DCC: variants seen among roughly 807,000 people sequenced by gnomAD.
The protein encoded by DCC is DCC netrin 1 receptor, also known as netrin receptor DCC.
DCC carries 58 observed loss-of-function variants against 172.5 expected under a neutral mutation model. The observed-to-expected ratio is 0.34, with a 90% CI of 0.27 to 0.42. The LOEUF (loss-of-function observed/expected upper bound fraction) is 0.42. DCC is among the 10% of genes least tolerant of loss of function. The pLI, the probability that DCC is intolerant of heterozygous loss-of-function variation, is 1.00. For missense variants in DCC, 1,740 were observed against 1,791.0 expected, an observed-to-expected ratio of 0.97 and a Z score of 0.51; for synonymous variants, 709 against 644.5, an observed-to-expected ratio of 1.10 and a Z score of -1.52.
chr18:53,037,857 T>C (rs1193729456), intron 5 of DCC, among the ~76,000 whole-genome samples: 62 of 151,926 alleles, frequency 4.1e-4, no homozygotes, highest in Non-Finnish European at 8.8e-5. Context: ...TTTTTAAATA[T>C]TGAATGAGAT....
intron 1 of DCC, among the ~76,000 whole-genome samples, chr18:52,495,623 C>T (rs78738472): frequency 0.042 from 6,329 of 152,114 alleles, 174 homozygotes; most frequent in Non-Finnish European, 0.061. Flanking sequence ...CCATCTTGCC[C>T]GAAACAGCAG....
chr18:52,684,675 T>C (rs2035801036), intron 1 of DCC, among the ~76,000 whole-genome samples: 1 of 152,064 alleles, frequency 6.6e-6, no homozygotes, highest in Non-Finnish European at 1.5e-5. Context: ...TGGTGGAAGC[T>C]AGGGATGAAG....
intron 2 of DCC, among the ~76,000 whole-genome samples, chr18:52,771,882 A>AG (rs796937114): frequency 6.7e-6 from 1 of 150,286 alleles, no homozygotes; most frequent in African/African-American, 2.5e-5. Flanking sequence ...AAAAAAAAAA[A>AG]AAAAGAAAAA....
rs2144654311 is a variant in DCC, at chr18:53,535,653, C to G, written c.*5000C>G. On this transcript the variant is annotated 3_prime_UTR_variant, in exon 29 of 29. Coordinates refer to ENST00000442544, the MANE Select transcript of DCC (RefSeq NM_005215.4). ...CCTACAAAAAGTTTCTTTAAACTGT[C>G]AGATTCTAGCATTGTTAACCAAATT... The G allele has an allele frequency of 6.6e-6, 1 of 152,302 alleles. No individual in the cohort carries two copies. The highest frequency in any genetic ancestry group is 6.5e-5 in the Admixed American group (1 of 15,302). 9.4% of individuals were successfully genotyped at this position (152,302 alleles called of 1,614,324 possible). A position where few individuals can be genotyped will look rare whatever the true frequency, so the allele number is the denominator to read the frequency against.
chr18:52,751,753 T>C (rs905985828), intron 1 of DCC, among the ~76,000 whole-genome samples: 1 of 152,196 alleles, frequency 6.6e-6, no homozygotes, highest in African/African-American at 2.4e-5. Context: ...ATTAGTTTTT[T>C]CTGTCTAAAT....
At position 52,920,058 on chromosome 18, in the gene DCC, C is replaced by T. The variant is rs575926682; in HGVS notation, c.698-3649C>T. On this transcript the variant is annotated intron_variant, in intron 3 of 28. Coordinates refer to ENST00000442544, the MANE Select transcript of DCC (RefSeq NM_005215.4). ...AAAAAGAATCCAGACATACCTTTCA[C>T]AAAGATTAACTCAAAATGGACCGTA... is the stretch of plus-strand genomic sequence containing the variant. 8.8e-5 allele frequency among the ~76,000 whole-genome samples: 12 copies of T among 137,096 alleles called. No individual in the cohort carries two copies. In the East Asian group the frequency reaches 1.7e-3, roughly 20 times the overall value. The allele number at this position is 137,096 out of a possible 152,430, so 89.9% of individuals were successfully genotyped here. A position where few individuals can be genotyped will look rare whatever the true frequency, so the allele number is the denominator to read the frequency against.
intron 12 of DCC, among the ~76,000 whole-genome samples, chr18:53,296,330 C>G (rs2057067240): frequency 6.6e-6 from 1 of 152,172 alleles, no homozygotes; most frequent in African/African-American, 2.4e-5. Context: ...CTCCCAGTTT[C>G]CCTTAAAGTA....
chr18:52,811,235 A>T lies in DCC; in HGVS notation c.412+58861A>T, dbSNP rs118084955. 4.9e-3 allele frequency among the ~76,000 whole-genome samples: 745 copies of T among 152,356 alleles called. 22 individuals are homozygous for T. Among genetic ancestry groups the T allele is most frequent in the Admixed American group, 0.033 (510 of 15,298 alleles). On this transcript the variant is annotated intron_variant, in intron 2 of 28. Coordinates refer to ENST00000442544, the MANE Select transcript of DCC (RefSeq NM_005215.4). ...TTATCGTCTTTCACAGGTTTTATGAATAAAAATGACCTATGAATATTTATA... is the reference window on the plus strand; with the variant it reads ...TTATCGTCTTTCACAGGTTTTATGATTAAAAATGACCTATGAATATTTATA...
At chr18:52,542,301 G>C (rs1446111301) in intron 1 of DCC, among the ~76,000 whole-genome samples, 1 of 151,826 alleles carries the variant, frequency 6.6e-6, no homozygotes, top group Non-Finnish European at 1.5e-5. Flanking sequence ...TTCAACACAG[G>C]CATGGTTGAA....
intron 7 of DCC, among the ~76,000 whole-genome samples, chr18:53,111,293 A>C (rs907157330): frequency 2.7e-5 from 4 of 149,938 alleles, no homozygotes; most frequent in African/African-American, 9.8e-5. Context: ...AGATATACCT[A>C]ATGCTAAATG....
intron 12 of DCC, 150 bp from the exon 13 acceptor site, chr18:53,305,428 T>C (rs769344418): frequency 1.5e-4 from 98 of 664,988 alleles, no homozygotes; most frequent in Admixed American, 2.2e-4. Context: ...TGTCAGATTA[T>C]AAGAACGAAT....
At chr18:52,671,271 G>A (rs909899660) in intron 1 of DCC, among the ~76,000 whole-genome samples, 1 of 151,962 alleles carries the variant, frequency 6.6e-6, no homozygotes, top group Non-Finnish European at 1.5e-5. Flanking sequence ...CACCAATTGA[G>A]AGAGAATAAC....
intron 12 of DCC, among the ~76,000 whole-genome samples, chr18:53,251,425 G>A (rs529261575): frequency 1.5e-4 from 23 of 151,830 alleles, no homozygotes; most frequent in Admixed American, 2.6e-4. Flanking sequence ...ATGGAAATGA[G>A]CATTGTGTTA....
At chr18:53,393,122 T>C (rs1216301740) in intron 17 of DCC, among the ~76,000 whole-genome samples, 1 of 149,488 alleles carries the variant, frequency 6.7e-6, no homozygotes, top group East Asian at 2.0e-4. Context: ...CTCAAGCTAG[T>C]AGTGATTTTG....
chr18:52,377,632 T>A lies in DCC; in HGVS notation c.91+36754T>A, dbSNP rs185092180. Among the ~76,000 whole-genome samples the A allele has an allele frequency of 2.7e-4, 35 of 130,220 alleles. 2 individuals carry two copies. In the East Asian group the frequency reaches 7.8e-3, roughly 29 times the overall value. The allele number at this position is 130,220 out of a possible 152,430, so 85.4% of individuals were successfully genotyped here. A position where few individuals can be genotyped will look rare whatever the true frequency, so the allele number is the denominator to read the frequency against. On this transcript the variant is annotated intron_variant, in intron 1 of 28. Coordinates refer to ENST00000442544, the MANE Select transcript of DCC (RefSeq NM_005215.4). ...TCTTTGCCACCCATTGCAACAATTA[T>A]GCATTTTTTTTTATAGGAACTGCAA...
At chr18:53,255,399 T>A (rs921200133) in intron 12 of DCC, among the ~76,000 whole-genome samples, 4 of 125,084 alleles carry the variant, frequency 3.2e-5, no homozygotes, top group African/African-American at 1.3e-4. Flanking sequence ...TGGTGTGTGA[T>A]GTTCCCCTTC....
intron 11 of DCC, among the ~76,000 whole-genome samples, chr18:53,209,527 T>A (rs1003985593): frequency 5.3e-5 from 8 of 152,204 alleles, no homozygotes; most frequent in African/African-American, 1.9e-4. Flanking sequence ...TGGGTGTACA[T>A]TTCACACAAT....
At chr18:53,400,737 G>C (rs62100020) in intron 18 of DCC, among the ~76,000 whole-genome samples, 64,115 of 151,556 alleles carry the variant, frequency 0.42, 15,257 homozygotes, top group Non-Finnish European at 0.55. Context: ...ACCTGAATTA[G>C]ATTGGTTGTT....
chr18:53,417,268 C>T (rs573982326), intron 21 of DCC, among the ~76,000 whole-genome samples: 2 of 152,316 alleles, frequency 1.3e-5, no homozygotes, highest in African/African-American at 4.8e-5. Context: ...TTACATTCTT[C>T]TCTGGCGATG....
Sources: allele counts gnomAD v4.1 joint callset (sites outside exome capture counted in the v4.1 genomes callset), GRCh38; gene constraint gnomAD v4.1.1; transcripts MANE v1.5; gene names NCBI Gene and HGNC (gene_info 2026-07-23, HGNC 2026-07-21).